XIRP2: variants seen among roughly 807,000 people sequenced by gnomAD.
XIRP2 encodes xin actin binding repeat containing 2, also known as xin actin-binding repeat-containing protein 2.
In XIRP2, 236 loss-of-function variants were observed where a neutral mutation model predicts 277.0. The observed-to-expected ratio is 0.85, with a 90% CI of 0.77 to 0.95. The LOEUF (loss-of-function observed/expected upper bound fraction) is 0.95. XIRP2 is among the 40% of genes least tolerant of loss of function. The pLI is 0.00. For missense variants in XIRP2, 4,640 were observed against 4,157.5 expected (o/e 1.12, Z -3.19); for synonymous variants, 1,490 against 1,416.5 (o/e 1.05, Z -1.17).
At chr2:167,090,333 A>G (rs972160929) in intron 2 of XIRP2, among the ~76,000 whole-genome samples, 1 of 152,080 alleles carries the variant, frequency 6.6e-6, no homozygotes. Flanking sequence ...TTGATGTCCT[A>G]TAAGACATTA....
Position 167,249,860 on chromosome 2 carries a change from A to G in XIRP2, c.8468A>G (p.Gln2823Arg). Residue 2823 changes from glutamine (Q) to arginine (R), a missense_variant, in exon 9 of 11, where the codon CAG becomes CGG. Gln to Arg is a conservative substitution (Grantham distance 43, BLOSUM62 1). Transcript: ENST00000409195. ...GKLPGSEEKN[Q>R]GPSMIGRKEE... ...CTTCCAGGAAGTGAAGAAAAAAATC[A>G]GGGACCATCAATGATTGGTCGAAAA... 1 of 1,613,652 alleles carries G rather than the reference A, an allele frequency of 6.2e-7. No individual in the cohort carries two copies. Among genetic ancestry groups the G allele is most frequent in the South Asian group, 1.1e-5 (1 of 91,068 alleles).
At chr2:167,024,928 C>G (rs929247839) in intron 2 of XIRP2, among the ~76,000 whole-genome samples, 49 of 152,142 alleles carry the variant, frequency 3.2e-4, no homozygotes, top group Admixed American at 7.2e-4. Context: ...TTGTGGTTGT[C>G]TCTCTGCCAG....
rs560222466 is a variant in XIRP2, at chr2:167,079,996, A to T, written c.409-55913A>T. ...TGTTAGATTTTTAATTTGAGATCTG[A>T]CTTGTAAAAGTGGGCATTTATCCAA... On this transcript the variant is annotated intron_variant, in intron 2 of 10. Transcript: ENST00000409195. Among the ~76,000 whole-genome samples, 3 of 151,700 alleles carry T rather than the reference A, an allele frequency of 2.0e-5. No individual in the cohort carries two copies. The East Asian group carries it at 5.8e-4, about 30-fold the overall frequency.
chr2:166,988,614 T>C (rs1574140886), intron 2 of XIRP2, among the ~76,000 whole-genome samples: 2 of 126,822 alleles, frequency 1.6e-5, no homozygotes, highest in South Asian at 5.8e-4. Flanking sequence ...GTGCGCACCG[T>C]GCGCGAGCCG....
chr2:167,003,397 A>T (rs1323128110), intron 2 of XIRP2, among the ~76,000 whole-genome samples: 1 of 152,030 alleles, frequency 6.6e-6, no homozygotes, highest in African/African-American at 2.4e-5. Context: ...CACTAAAAAC[A>T]GTTGGGGGGT....
chr2:167,224,270 G>T (rs962428059), intron 5 of XIRP2, among the ~76,000 whole-genome samples: 45 of 152,106 alleles, frequency 3.0e-4, no homozygotes, highest in Admixed American at 1.3e-4. Context: ...GTCTTGCTCT[G>T]TTGCCCAGGT....
intron 3 of XIRP2, among the ~76,000 whole-genome samples, chr2:167,176,995 C>T: frequency 6.6e-6 from 1 of 152,222 alleles, no homozygotes; most frequent in Non-Finnish European, 1.5e-5. Context: ...TGAGGTTTCT[C>T]TCTTCAATCC....
At chr2:166,905,657 TAAAA>T (rs1341278068) in intron 2 of XIRP2, among the ~76,000 whole-genome samples, 3 of 151,948 alleles carry the variant, frequency 2.0e-5, no homozygotes, top group Admixed American at 6.6e-5. Flanking sequence ...TTGATGGATT[TAAAA>T]ATTTCTTATC....
chr2:166,911,592 G>A (rs999305727), intron 2 of XIRP2, among the ~76,000 whole-genome samples: 1 of 152,168 alleles, frequency 6.6e-6, no homozygotes, highest in Non-Finnish European at 1.5e-5. Context: ...TTTAATTGGA[G>A]CATTTAGCCC....
intron 2 of XIRP2, among the ~76,000 whole-genome samples, chr2:166,997,419 G>T (rs1558941443): frequency 1.3e-5 from 2 of 152,218 alleles, no homozygotes; most frequent in East Asian, 3.9e-4. Flanking sequence ...GTTTAAATGA[G>T]GAGGTAGGTT....
At chr2:167,160,231 T>C (rs1216719072) in intron 3 of XIRP2, among the ~76,000 whole-genome samples, 2 of 152,204 alleles carry the variant, frequency 1.3e-5, no homozygotes, top group African/African-American at 2.4e-5. Flanking sequence ...GATTTTCTAC[T>C]GGAAAATAGA....
At chr2:167,128,292 G>A (rs1216574610) in intron 2 of XIRP2, among the ~76,000 whole-genome samples, 2 of 152,106 alleles carry the variant, frequency 1.3e-5, no homozygotes, top group African/African-American at 4.8e-5. Context: ...TACTACAGAA[G>A]ATGTTACCGT....
intron 2 of XIRP2, among the ~76,000 whole-genome samples, chr2:166,938,407 G>C (rs1304213487): frequency 6.6e-6 from 1 of 152,188 alleles, no homozygotes; most frequent in Non-Finnish European, 1.5e-5. Flanking sequence ...GAGTGGTTTT[G>C]AGTGAGTTTC....
chr2:167,086,443 G>T (rs1451167244), intron 2 of XIRP2, among the ~76,000 whole-genome samples: 1 of 151,996 alleles, frequency 6.6e-6, no homozygotes, highest in African/African-American at 2.4e-5. Context: ...TTCTCAAGGA[G>T]TATCTTTGTG....
chr2:166,889,247 A>G lies in XIRP2; in HGVS notation c.-19+690A>G, dbSNP rs1296561790. 2.0e-5 allele frequency among the ~76,000 whole-genome samples: 3 copies of G among 152,198 alleles called. No homozygotes were observed. In the South Asian group the frequency reaches 6.2e-4, roughly 31 times the overall value. On this transcript the variant is annotated intron_variant, in intron 1 of 10. Transcript: ENST00000409195. The stretch of plus-strand genomic sequence containing the variant: ...ATTCTAAAAACAGCAAAAAACATTC[A>G]AATTGTTACATATGAAATGCTTTCC...
chr2:167,122,106 G>A (rs1282272640), intron 2 of XIRP2, among the ~76,000 whole-genome samples: 2 of 152,136 alleles, frequency 1.3e-5, no homozygotes, highest in African/African-American at 2.4e-5. Flanking sequence ...AATGAGATCA[G>A]TTAATCTAAA....
intron 1 of XIRP2, among the ~76,000 whole-genome samples, chr2:166,893,191 C>G (rs6731571): frequency 6.6e-6 from 1 of 151,606 alleles, no homozygotes; most frequent in African/African-American, 2.4e-5. Flanking sequence ...ATTAGAGTAA[C>G]TGGTGGGAAA....
At chr2:167,114,989 T>G (rs1437128456) in intron 2 of XIRP2, among the ~76,000 whole-genome samples, 1 of 152,148 alleles carries the variant, frequency 6.6e-6, no homozygotes, top group Non-Finnish European at 1.5e-5. Context: ...CAAATGGTAT[T>G]TCTAGTTCTA....
intron 3 of XIRP2, among the ~76,000 whole-genome samples, chr2:167,169,848 G>A (rs1418634206): frequency 6.6e-6 from 1 of 152,082 alleles, no homozygotes; most frequent in Non-Finnish European, 1.5e-5. Flanking sequence ...TGAATATATG[G>A]TTATGATGGA....
Sources: allele counts gnomAD v4.1 joint callset (sites outside exome capture counted in the v4.1 genomes callset), GRCh38; gene constraint gnomAD v4.1.1; transcripts MANE v1.5; gene names NCBI Gene and HGNC (gene_info 2026-07-23, HGNC 2026-07-21).